TBCD: variants seen among roughly 807,000 people sequenced by gnomAD.
The protein encoded by TBCD is tubulin-specific chaperone D.
TBCD carries 105 observed loss-of-function variants against 169.3 expected under a neutral mutation model. The ratio of observed to expected loss-of-function variants is 0.62; its 90% CI spans 0.53 to 0.73. The LOEUF (loss-of-function observed/expected upper bound fraction) is 0.73, where lower values mean the gene tolerates loss of function less well. Ranked by LOEUF, TBCD falls within the 30% of genes least tolerant of loss-of-function variation. TBCD has a pLI of 0.00. For synonymous variants in TBCD, 700 were observed against 643.9 expected (o/e 1.09, Z -1.32); for missense variants, 1,444 against 1,600.1 (o/e 0.90, Z 1.66).
intron 13 of TBCD, among the ~76,000 whole-genome samples, chr17:82,841,220 G>A (rs962856370): frequency 6.6e-6 from 1 of 151,964 alleles, no homozygotes; most frequent in African/African-American, 2.4e-5. Context: ...TGGATTACAG[G>A]TGTGAGCCAC....
chr17:82,907,149 C>T (rs573477567), intron 20 of TBCD, among the ~76,000 whole-genome samples: 29 of 152,362 alleles, frequency 1.9e-4, no homozygotes, highest in Non-Finnish European at 1.2e-4. Context: ...GTAAAGCACA[C>T]GGTTTGCGCA....
Position 82,889,557 on chromosome 17 carries a change from TAA to T in TBCD, c.1534-106_1534-105del. The stretch of plus-strand genomic sequence containing the variant: ...TCAGCCAACAATGAGGGCTTTTATT[TAA>T]AAAATAAAGCCGTGGGTCATTCACG... On this transcript the variant is annotated intron_variant, in intron 15 of 38. Transcript: ENST00000355528. This position sits in a 1 kb window ranked among gnomAD's most constrained non-coding sequence, Gnocchi z 5.3. 7.4e-7 allele frequency: 1 copy of T among 1,346,706 alleles called. No homozygotes were observed. The highest frequency in any genetic ancestry group is 1.0e-6 in the Non-Finnish European group (1 of 962,698). 83.4% of individuals were successfully genotyped at this position (1,346,706 alleles called of 1,614,324 possible).
chr17:82,807,997 C>T (rs1012775786), intron 11 of TBCD, among the ~76,000 whole-genome samples: 2 of 152,228 alleles, frequency 1.3e-5, no homozygotes, highest in Non-Finnish European at 2.9e-5. Context: ...GGTCACGGCT[C>T]CTACAATGAC....
rs745607715 is a variant in TBCD, at chr17:82,831,265, C to T, written c.1318+16331C>T. 2 of 1,613,858 alleles carry T rather than the reference C, an allele frequency of 1.2e-6. No individual in the cohort carries two copies. Among genetic ancestry groups the T allele is most frequent in the Admixed American group, 1.7e-5 (1 of 60,030 alleles). On this transcript the variant is annotated intron_variant, in intron 13 of 38. Transcript: ENST00000355528. This position sits in a 1 kb window ranked among gnomAD's most constrained non-coding sequence, Gnocchi z 4.6. ...CCCTGCGCGGGGGCTCATTTTGGACCCTTCCGTGTCTCTCTGCCCAGCCTT... is the reference window on the plus strand; with the variant it reads ...CCCTGCGCGGGGGCTCATTTTGGACTCTTCCGTGTCTCTCTGCCCAGCCTT...
In TBCD at chr17:82,900,078, A is replaced by AC. The variant is rs771316616; in HGVS notation, c.1650-572dup. On this transcript the variant is annotated intron_variant, in intron 17 of 38. Transcript: ENST00000355528. ...AGCTGTATATGGAGTGCAGGGCTTT[A>AC]CTGAAGTGCAGCTGGCACACACTAA... Among the ~76,000 whole-genome samples, 16 of 152,294 alleles carry AC rather than the reference A, an allele frequency of 1.1e-4. 1 individual carries two copies. In the South Asian group the frequency reaches 3.3e-3, roughly 32 times the overall value.
intron 7 of TBCD, among the ~76,000 whole-genome samples, chr17:82,790,431 C>T (rs1324409522): frequency 2.0e-5 from 3 of 152,208 alleles, no homozygotes; most frequent in Non-Finnish European, 4.4e-5. Context: ...GTGGCCTCAT[C>T]TTGGCCTCGG....
chr17:82,921,176 A>C (rs2061400011), intron 24 of TBCD: 1 of 406,588 alleles, frequency 2.5e-6, no homozygotes, highest in South Asian at 3.6e-5. Flanking sequence ...ATTTGGGTTT[A>C]TATTGGTGGG....
At chr17:82,858,948 G>T (rs1245468453) in intron 13 of TBCD, among the ~76,000 whole-genome samples, 1 of 152,252 alleles carries the variant, frequency 6.6e-6, no homozygotes, top group African/African-American at 2.4e-5. Flanking sequence ...GCGCCTCTGT[G>T]GGGCTGGGGG....
rs3785518 is a variant in TBCD, at chr17:82,937,098, T to C, written c.3192-173T>C. On this transcript the variant is annotated intron_variant, in intron 34 of 38. Transcript: ENST00000355528. The stretch of plus-strand genomic sequence containing the variant: ...AGCCGCTAGGGACCAGGCCGGCCTG[T>C]GGAGGTATTGGGATGGGGACCAGCG... 33,511 of 601,660 alleles carry C rather than the reference T, an allele frequency of 0.056. 2,430 individuals carry two copies. Among genetic ancestry groups the C allele is most frequent in the African/African-American group, 0.26 (14,150 of 53,924 alleles). The allele number at this position is 601,660 out of a possible 1,614,324, so 37.3% of individuals were successfully genotyped here.
chr17:82,929,192 T>C lies in TBCD; in HGVS notation c.2773T>C (p.Phe925Leu), dbSNP rs1308121286. Residue 925 changes from phenylalanine to leucine, a missense_variant, in exon 31 of 39, where the codon TTC (phenylalanine) becomes CTC (leucine). By Grantham distance (22) the Phe-to-Leu change is conservative. Transcript: ENST00000355528. ...TTTCCGTGCTCACGCCGCCAGCGTG[T>C]TCCTGACGCTCCTGCACTTTGACAG... ...DRFRAHAASV[F>L]LTLLHFDSPP... 1 of 1,613,878 alleles carries C rather than the reference T, an allele frequency of 6.2e-7. No individual in the cohort carries two copies. Among genetic ancestry groups the C allele is most frequent in the Admixed American group, 1.7e-5 (1 of 60,028 alleles).
intron 6 of TBCD, among the ~76,000 whole-genome samples, chr17:82,775,882 A>G (rs967980323): frequency 4.6e-5 from 7 of 152,056 alleles, no homozygotes; most frequent in Non-Finnish European, 1.0e-4. Context: ...CCTAAAACTT[A>G]AAGTATAATA....
chr17:82,771,047 CAAAA>C (rs36015818), intron 5 of TBCD, among the ~76,000 whole-genome samples: 889 of 38,614 alleles, frequency 0.023, 1 homozygote, highest in African/African-American at 0.059. Context: ...GACTCCGTCT[CAAAA>C]AAAAAAAAAA....
chr17:82,838,920 A>G (rs2145410398), intron 13 of TBCD: 1 of 985,454 alleles, frequency 1.0e-6, no homozygotes, highest in Non-Finnish European at 1.2e-6. Flanking sequence ...GCTAATGCGC[A>G]GTGAAAATTA....
chr17:82,866,993 T>G (rs1204940883), intron 13 of TBCD, among the ~76,000 whole-genome samples: 1 of 152,244 alleles, frequency 6.6e-6, no homozygotes, highest in African/African-American at 2.4e-5. Context: ...TTGGCCCAGA[T>G]GCCTGTTAGT....
intron 7 of TBCD, among the ~76,000 whole-genome samples, chr17:82,791,091 C>CTTT (rs35648641): frequency 0.024 from 3,047 of 124,568 alleles, 159 homozygotes; most frequent in African/African-American, 0.071. Flanking sequence ...TCTCTTGCAT[C>CTTT]TTTTTTTTTT....
rs775014444 is a variant in TBCD at position 82,870,328 on chromosome 17, G to A, written c.1423G>A (p.Ala475Thr). ...DAACYVCWAFARAYEPQELKP... is the reference protein window; with the variant it reads ...DAACYVCWAFTRAYEPQELKP... ...CGCCTGCTACGTGTGCTGGGCCTTC[G>A]CGCGTGCCTATGAGCCTCAGGAGCT... is the stretch of plus-strand genomic sequence containing the variant. The change falls in exon 14 of 39, where the codon GCG becomes ACG. Residue 475 changes from alanine (A) to threonine (T), a missense_variant. Ala to Thr is a moderately conservative substitution (Grantham distance 58). Coordinates refer to ENST00000355528, the MANE Select transcript of TBCD (RefSeq NM_005993.5). 8.7e-6 allele frequency: 14 copies of A among 1,613,456 alleles called. No individual in the cohort carries two copies. The highest frequency in any genetic ancestry group is 3.3e-5 in the South Asian group (3 of 91,076).
chr17:82,869,005 G>A (rs1027367769), intron 13 of TBCD, among the ~76,000 whole-genome samples: 5 of 152,320 alleles, frequency 3.3e-5, no homozygotes, highest in East Asian at 3.9e-4. Flanking sequence ...GGAGCGGGTC[G>A]TGTGCAGAGC....
rs746447078 is a variant in TBCD at position 82,929,202 on chromosome 17, T to A, written c.2783T>A (p.Leu928His). Residue 928 changes from leucine (L) to histidine (H), a missense_variant, in exon 31 of 39, where the codon CTC becomes CAC. Leu to His is a moderately conservative substitution (Grantham distance 99). Transcript: ENST00000355528. Reference sequence around the variant, plus strand: ...CACGCCGCCAGCGTGTTCCTGACGCTCCTGCACTTTGACAGCCCTCCCATC... The same window carrying A: ...CACGCCGCCAGCGTGTTCCTGACGCACCTGCACTTTGACAGCCCTCCCATC... Reference protein sequence around the residue: ...RAHAASVFLTLLHFDSPPIPH... With the variant: ...RAHAASVFLTHLHFDSPPIPH... 1 of 1,613,898 alleles carries A rather than the reference T, an allele frequency of 6.2e-7. No homozygotes were observed. Among genetic ancestry groups the A allele is most frequent in the Non-Finnish European group, 8.5e-7 (1 of 1,179,878 alleles).
intron 6 of TBCD, among the ~76,000 whole-genome samples, chr17:82,779,458 C>T (rs1296434742): frequency 6.6e-6 from 1 of 152,208 alleles, no homozygotes; most frequent in African/African-American, 2.4e-5. Context: ...GGACTTCTTT[C>T]CCCATTGTTC....
Sources: allele counts gnomAD v4.1 joint callset (sites outside exome capture counted in the v4.1 genomes callset), GRCh38; gene constraint gnomAD v4.1.1; non-coding constraint Gnocchi (gnomAD v3.1); transcripts MANE v1.5; gene names NCBI Gene and HGNC (gene_info 2026-07-23, HGNC 2026-07-21).